LIPH: variants seen among roughly 807,000 people sequenced by gnomAD.
LIPH encodes lipase member H.
A neutral mutation model predicts 47.6 loss-of-function variants in LIPH; 32 were observed. The observed-to-expected ratio is 0.67, with a 90% CI of 0.51 to 0.90. The LOEUF (loss-of-function observed/expected upper bound fraction) is 0.90. LIPH is among the 40% of genes least tolerant of loss of function. The probability of loss-of-function intolerance (pLI) is 0.00; values close to 1 mark genes in which losing one functional copy is unlikely to be tolerated. For synonymous variants in LIPH, 190 were observed against 195.6 expected, an observed-to-expected ratio of 0.97 and a Z score of 0.24; for missense variants, 497 against 541.4, an observed-to-expected ratio of 0.92 and a Z score of 0.81.
At chr3:185,533,007 TGAAA>T (rs1290187503) in intron 3 of LIPH, among the ~76,000 whole-genome samples, 2 of 152,140 alleles carry the variant, frequency 1.3e-5, no homozygotes, top group African/African-American at 2.4e-5. Context: ...TTTGAGACTC[TGAAA>T]GAGAGAGCCG....
At chr3:185,509,532 A>G (rs936079154) in intron 9 of LIPH, among the ~76,000 whole-genome samples, 1 of 152,108 alleles carries the variant, frequency 6.6e-6, no homozygotes, top group African/African-American at 2.4e-5. Context: ...TCGGAGGCTG[A>G]AGCAGGAGAA....
At chr3:185,534,732 T>C in intron 2 of LIPH, 33 bp downstream of exon 2, 1 of 1,611,050 alleles carries the variant, frequency 6.2e-7, no homozygotes, top group Non-Finnish European at 8.5e-7. Flanking sequence ...CAGTTTCAAC[T>C]TAGCTCTGAA....
chr3:185,552,577 C>G lies in LIPH; in HGVS notation c.-106G>C. On this transcript the variant is annotated 5_prime_UTR_variant, in exon 1 of 10. Coordinates refer to ENST00000296252, the MANE Select transcript of LIPH (RefSeq NM_139248.3). ...TTGCTCACAGTGAGCTCAGACGACT[C>G]AGAGGTGTGGTGACAACAGGAAGTT... 6 of 810,956 alleles carry G rather than the reference C, an allele frequency of 7.4e-6. No homozygotes were observed. Among genetic ancestry groups the G allele is most frequent in the Non-Finnish European group, 1.3e-5 (6 of 460,122 alleles). 50.2% of individuals were successfully genotyped at this position (810,956 alleles called of 1,614,324 possible). A position where few individuals can be genotyped will look rare whatever the true frequency, so the allele number is the denominator to read the frequency against.
intron 5 of LIPH, among the ~76,000 whole-genome samples, chr3:185,523,323 T>G (rs1719963783): frequency 6.6e-6 from 1 of 152,218 alleles, no homozygotes; most frequent in African/African-American, 2.4e-5. Context: ...AATTTATATT[T>G]ATACTACCTG....
At chr3:185,542,598 T>C (rs1720747511) in intron 1 of LIPH, among the ~76,000 whole-genome samples, 1 of 152,154 alleles carries the variant, frequency 6.6e-6, no homozygotes, top group Admixed American at 6.5e-5. Context: ...ATTACAGGCG[T>C]AAGCCACCAC....
chr3:185,531,110 G>C (rs1175626411), intron 3 of LIPH, among the ~76,000 whole-genome samples: 1 of 152,146 alleles, frequency 6.6e-6, no homozygotes, highest in Non-Finnish European at 1.5e-5. Flanking sequence ...TATAGTAAAA[G>C]CTGCATACTA....
chr3:185,516,503 A>G (rs751713446), intron 7 of LIPH, among the ~76,000 whole-genome samples: 7 of 152,170 alleles, frequency 4.6e-5, no homozygotes, highest in Non-Finnish European at 8.8e-5. Flanking sequence ...AGACTGTAGG[A>G]AAAACACATC....
chr3:185,508,977 T>C, intron 9 of LIPH, 100 bp from the exon 10 acceptor site: 2 of 810,662 alleles, frequency 2.5e-6, no homozygotes, highest in Non-Finnish European at 4.2e-6. Context: ...TATTTAGCAA[T>C]TGTTTTTAAT....
chr3:185,535,016 T>C lies in LIPH; in HGVS notation c.166A>G (p.Thr56Ala). 1 of 1,613,736 alleles carries C rather than the reference T, an allele frequency of 6.2e-7. No homozygotes were observed. Among genetic ancestry groups the C allele is most frequent in the Non-Finnish European group, 8.5e-7 (1 of 1,179,822 alleles). Residue 56 changes from threonine to alanine, a missense_variant, in exon 2 of 10, where the codon ACC becomes GCC. By Grantham distance (58) the Thr-to-Ala change is moderately conservative. Transcript: ENST00000296252. ...YTRKNLTCAQ[T>A]INSSAFGNLN... The stretch of plus-strand genomic sequence containing the variant: ...TTCCCAAAAGCTGAGGAGTTGATGG[T>C]TTGTGCGCAGGTCAGGTTTTTCCTT...
intron 1 of LIPH, among the ~76,000 whole-genome samples, chr3:185,539,347 A>C (rs556013671): frequency 2.0e-4 from 30 of 147,442 alleles, no homozygotes; most frequent in Admixed American, 1.7e-3. Context: ...CACCTTCTGA[A>C]TCCCTTTATT....
intron 5 of LIPH, among the ~76,000 whole-genome samples, chr3:185,523,555 A>G (rs1335048241): frequency 1.3e-5 from 2 of 151,718 alleles, no homozygotes; most frequent in East Asian, 3.9e-4. Flanking sequence ...CAAGCATGCC[A>G]CAACACCCAG....
At chr3:185,537,030 G>A (rs1425913018) in intron 1 of LIPH, among the ~76,000 whole-genome samples, 2 of 152,048 alleles carry the variant, frequency 1.3e-5, no homozygotes, top group African/African-American at 2.4e-5. Context: ...AATTACAGGC[G>A]CCCGCCACCA....
chr3:185,534,921 C>A lies in LIPH; in HGVS notation c.261G>T (p.Trp87Cys). ...GFRPTGSPPV[W>C]MDDLVKGLLS... ...GCAAACCCTTTACTAAGTCATCCAT[C>A]CAAACAGGAGGGGAGCCTGTTGGCC... The change falls in exon 2 of 10, where the codon TGG (tryptophan) becomes TGT (cysteine). Residue 87 changes from tryptophan (W) to cysteine (C), a missense_variant. Transcript: ENST00000296252. 2 of 1,613,970 alleles carry A rather than the reference C, an allele frequency of 1.2e-6. No individual in the cohort carries two copies. Among genetic ancestry groups the A allele is most frequent in the Non-Finnish European group, 8.5e-7 (1 of 1,179,858 alleles).
In LIPH at chr3:185,508,850, G is replaced by A. The variant is rs1719465347; in HGVS notation, c.1296C>T (p.Val432=). 1 of 1,613,494 alleles carries A rather than the reference G, an allele frequency of 6.2e-7. No individual in the cohort carries two copies. The highest frequency in any genetic ancestry group is 1.1e-5 in the South Asian group (1 of 91,048). ...ERPQLCRYDL[V]LMENVETVFQ... ...AGACTGTTTCAACGTTTTCCATCAG[G>A]ACAAGATCATACCGACACAGCTGAG... The change falls in exon 10 of 10, where the codon GTC becomes GTT. Residue 432 remains valine (V), a synonymous_variant. Coordinates refer to ENST00000296252, the MANE Select transcript of LIPH (RefSeq NM_139248.3).
intron 1 of LIPH, among the ~76,000 whole-genome samples, chr3:185,537,373 C>A (rs1053429315): frequency 6.6e-6 from 1 of 152,110 alleles, no homozygotes; most frequent in Non-Finnish European, 1.5e-5. Flanking sequence ...ACCTCAAATG[C>A]GCGCGTTCCT....
chr3:185,528,323 G>GAAAAAAGAAAGAAAGAAAGAAAGA (rs1553822820), intron 3 of LIPH, among the ~76,000 whole-genome samples: 1 of 125,514 alleles, frequency 8.0e-6, no homozygotes, highest in South Asian at 3.0e-4. Context: ...AAGAAAGAAA[G>GAAAAAAGAAAGAAAGAAAGAAAGA]AAGAAAGAAA....
chr3:185,519,945 A>G (rs892555833), intron 5 of LIPH, among the ~76,000 whole-genome samples: 2 of 151,614 alleles, frequency 1.3e-5, no homozygotes, highest in African/African-American at 4.8e-5. Context: ...GCCTGCATCA[A>G]AATCGTGCTT....
chr3:185,551,034 C>T (rs982240840), intron 1 of LIPH, among the ~76,000 whole-genome samples: 3 of 152,038 alleles, frequency 2.0e-5, no homozygotes, highest in African/African-American at 7.2e-5. Flanking sequence ...ATTAGCCAGG[C>T]GCAGTGGCGC....
intron 1 of LIPH, among the ~76,000 whole-genome samples, chr3:185,542,575 C>T (rs1169987609): frequency 6.6e-6 from 1 of 152,084 alleles, no homozygotes; most frequent in Non-Finnish European, 1.5e-5. Context: ...CCTCAGCCTC[C>T]CAAAGTGCTG....
Sources: gnomAD v4.1 joint callset for allele counts (sites outside exome capture counted in the v4.1 genomes callset) on GRCh38, gnomAD v4.1.1 for gene constraint, MANE v1.5 for transcripts, NCBI Gene and HGNC (gene_info 2026-07-23, HGNC 2026-07-21) for gene names.